ITGA11: variants seen among roughly 807,000 people sequenced by gnomAD.
ITGA11 encodes the protein integrin subunit alpha 11.
In ITGA11, 97 loss-of-function variants were observed where a neutral mutation model predicts 141.9. The ratio of observed to expected loss-of-function variants is 0.68; its 90% CI spans 0.58 to 0.81. The LOEUF is 0.81. ITGA11 is among the 30% of genes least tolerant of loss of function. ITGA11 has a pLI of 0.00. For missense variants in ITGA11, 1,387 were observed against 1,559.2 expected (o/e 0.89, Z 1.86); for synonymous variants, 658 against 624.6 (o/e 1.05, Z -0.80).
Position 68,300,428 on chromosome 15 carries a change from T to C in ITGA11, c.*2631A>G, listed in dbSNP as rs1359131866. 1 of 152,224 alleles carries C rather than the reference T, an allele frequency of 6.6e-6. No individual in the cohort carries two copies. Among genetic ancestry groups the C allele is most frequent in the East Asian group, 1.9e-4 (1 of 5,198 alleles). 9.4% of individuals were successfully genotyped at this position (152,224 alleles called of 1,614,324 possible). The stretch of plus-strand genomic sequence containing the variant: ...TCCCAACCAATGAAATTGGGATCCA[T>C]AGTGGGTAGGGCCCTTGCAGTGGTC... On this transcript the variant is annotated 3_prime_UTR_variant, in exon 30 of 30. Transcript: ENST00000315757.
chr15:68,349,537 C>T (rs879783040), intron 9 of ITGA11, among the ~76,000 whole-genome samples: 6 of 152,186 alleles, frequency 3.9e-5, no homozygotes, highest in Non-Finnish European at 5.9e-5. Context: ...TCAAAGCTCA[C>T]GTTCAGACTT....
intron 22 of ITGA11, among the ~76,000 whole-genome samples, chr15:68,314,469 TA>T (rs560086800): frequency 1.2e-3 from 187 of 152,228 alleles, no homozygotes; most frequent in Non-Finnish European, 2.3e-3. Context: ...ATTTTAGACA[TA>T]AAAATGTACA....
chr15:68,354,522 C>T (rs1895010670), intron 7 of ITGA11, among the ~76,000 whole-genome samples: 2 of 152,214 alleles, frequency 1.3e-5, no homozygotes. Flanking sequence ...AACATGAACC[C>T]CTTGCTGTGG....
chr15:68,388,660 A>G (rs1340985981), intron 2 of ITGA11, among the ~76,000 whole-genome samples: 2 of 152,296 alleles, frequency 1.3e-5, no homozygotes, highest in East Asian at 3.9e-4. Context: ...TGCTGCTCAT[A>G]AAGCATGCCC....
chr15:68,385,044 C>A lies in ITGA11; in HGVS notation c.165-15760G>T, dbSNP rs559030060. 2.0e-5 allele frequency among the ~76,000 whole-genome samples: 3 copies of A among 152,316 alleles called. No individual in the cohort carries two copies. In the East Asian group the frequency reaches 5.8e-4, roughly 29 times the overall value. On this transcript the variant is annotated intron_variant, in intron 2 of 29. Transcript: ENST00000315757. Reference sequence around the variant, plus strand: ...TGTAGGGAACTCACTCATTCAGCCTCTGCCCCATGGTAGACACTTAAACAC... The same window carrying A: ...TGTAGGGAACTCACTCATTCAGCCTATGCCCCATGGTAGACACTTAAACAC...
intron 28 of ITGA11, among the ~76,000 whole-genome samples, chr15:68,306,605 AAATG>A (rs1189900854): frequency 1.3e-5 from 2 of 152,230 alleles, no homozygotes; most frequent in African/African-American, 2.4e-5. Flanking sequence ...AACAAATGCC[AAATG>A]AATGAACAAA....
intron 1 of ITGA11, among the ~76,000 whole-genome samples, chr15:68,403,699 G>A (rs1377938876): frequency 6.6e-6 from 1 of 151,790 alleles, no homozygotes; most frequent in Non-Finnish European, 1.5e-5. Context: ...CAGTGGCTCG[G>A]TCTTGGCTCA....
In ITGA11 at chr15:68,328,402, A is replaced by G; in HGVS notation, c.1902-140T>C. Reference sequence around the variant, plus strand: ...GGTGAGGTGGAGGATGGAGGGGGCGAGGTGGAGGATGGAGGGGGCTTCGGA... The same window carrying G: ...GGTGAGGTGGAGGATGGAGGGGGCGGGGTGGAGGATGGAGGGGGCTTCGGA... On this transcript the variant is annotated intron_variant, in intron 15 of 29. Transcript: ENST00000315757. The surrounding 1 kb of genome is among the most constrained non-coding windows in gnomAD (Gnocchi z 4.8). 5 of 448,686 alleles carry G rather than the reference A, an allele frequency of 1.1e-5. No homozygotes were observed. The highest frequency in any genetic ancestry group is 6.7e-5 in the South Asian group (2 of 29,888). 27.8% of individuals were successfully genotyped at this position (448,686 alleles called of 1,614,324 possible).
At chr15:68,416,228 T>C (rs944774619) in intron 1 of ITGA11, among the ~76,000 whole-genome samples, 2 of 152,166 alleles carry the variant, frequency 1.3e-5, no homozygotes, top group Non-Finnish European at 2.9e-5. Flanking sequence ...TGCAGCTCTA[T>C]ATGAGGAAGA....
At chr15:68,312,730 G>A (rs1007158910) in intron 24 of ITGA11, 43 bp downstream of exon 24, 12 of 1,461,220 alleles carry the variant, frequency 8.2e-6, no homozygotes, top group Middle Eastern at 4.0e-4. Flanking sequence ...GGGGTGCTCA[G>A]ATCCCGTCCT....
chr15:68,344,250 C>T (rs1390336588), intron 10 of ITGA11, among the ~76,000 whole-genome samples: 4 of 152,098 alleles, frequency 2.6e-5, no homozygotes, highest in Middle Eastern at 3.2e-3. Context: ...ACTGCCCGCC[C>T]AGCCTGGCAG....
intron 16 of ITGA11, among the ~76,000 whole-genome samples, chr15:68,327,666 T>G (rs1167579579): frequency 6.6e-6 from 1 of 152,066 alleles, no homozygotes; most frequent in African/African-American, 2.4e-5. Flanking sequence ...TGCTGTGGAC[T>G]CACACCCACT....
intron 11 of ITGA11, among the ~76,000 whole-genome samples, chr15:68,337,905 C>T (rs1894420336): frequency 6.6e-6 from 1 of 152,184 alleles, no homozygotes; most frequent in South Asian, 2.1e-4. Flanking sequence ...CTTTTCTTGG[C>T]CCTTCTTGGC....
At chr15:68,348,677 T>C (rs1195605711) in intron 10 of ITGA11, among the ~76,000 whole-genome samples, 153 bp downstream of exon 10, 1 of 152,034 alleles carries the variant, frequency 6.6e-6, no homozygotes, top group African/African-American at 2.4e-5. Flanking sequence ...CCACAGAAGA[T>C]GGGAGGCAGA....
At chr15:68,428,442 G>C (rs554048331) in intron 1 of ITGA11, among the ~76,000 whole-genome samples, 16 of 152,140 alleles carry the variant, frequency 1.1e-4, no homozygotes, top group Non-Finnish European at 1.9e-4. Flanking sequence ...GAAGAGCATG[G>C]AGATAGACAT....
intron 6 of ITGA11, among the ~76,000 whole-genome samples, chr15:68,358,103 C>A (rs1481909539): frequency 6.6e-6 from 1 of 152,234 alleles, no homozygotes; most frequent in Non-Finnish European, 1.5e-5. Context: ...CTCCTACCAT[C>A]TTCCCTCCAT....
At chr15:68,311,595 G>C (rs1181237152) in intron 24 of ITGA11, among the ~76,000 whole-genome samples, 192 bp from the exon 25 acceptor site, 1 of 152,190 alleles carries the variant, frequency 6.6e-6, no homozygotes, top group Non-Finnish European at 1.5e-5. Flanking sequence ...GGACTGCATG[G>C]ACAAGTGCAA....
chr15:68,420,374 G>A (rs182835316), intron 1 of ITGA11, among the ~76,000 whole-genome samples: 112 of 152,238 alleles, frequency 7.4e-4, no homozygotes, highest in Admixed American at 1.6e-3. Flanking sequence ...GGGCCAGCTG[G>A]GCTGACCTGG....
At chr15:68,355,328 A>T (rs1005556390) in intron 7 of ITGA11, among the ~76,000 whole-genome samples, 6 of 152,272 alleles carry the variant, frequency 3.9e-5, no homozygotes, top group Non-Finnish European at 7.3e-5. Context: ...AGCAAGTTTT[A>T]TCAGCAAACA....
Sources: gnomAD v4.1 joint callset for allele counts (sites outside exome capture counted in the v4.1 genomes callset) on GRCh38, gnomAD v4.1.1 for gene constraint, Gnocchi (gnomAD v3.1) non-coding constraint, MANE v1.5 for transcripts, NCBI Gene and HGNC (gene_info 2026-07-23, HGNC 2026-07-21) for gene names.